Variants in NFATC1 observed in about 807,000 individuals in gnomAD.
NFATC1 encodes the protein nuclear factor of activated T-cells, cytoplasmic 1.
A neutral mutation model predicts 76.0 loss-of-function variants in NFATC1; 22 were observed. That is an observed-to-expected ratio of 0.29 (90% CI 0.21 to 0.41). NFATC1 has a LOEUF of 0.41. Among genes scored for constraint, NFATC1 ranks in the 10% least tolerant of loss-of-function variants. NFATC1 has a pLI of 1.00. For synonymous variants in NFATC1, 704 were observed against 613.1 expected, an observed-to-expected ratio of 1.15 and a Z score of -2.19; for missense variants, 1,357 against 1,337.7, an observed-to-expected ratio of 1.01 and a Z score of -0.23.
At chr18:79,485,019 A>G (rs1184580947) in intron 8 of NFATC1, among the ~76,000 whole-genome samples, 1 of 152,208 alleles carries the variant, frequency 6.6e-6, no homozygotes, top group Non-Finnish European at 1.5e-5. Flanking sequence ...CCGGGGCTAA[A>G]TATTTTCTCT....
intron 9 of NFATC1, among the ~76,000 whole-genome samples, chr18:79,495,184 G>T (rs549142126): frequency 6.6e-6 from 1 of 152,260 alleles, no homozygotes; most frequent in African/African-American, 2.4e-5. Flanking sequence ...CCGCCGTGGC[G>T]TGCAGGCTGT....
Position 79,527,602 on chromosome 18 carries a change from A to T in NFATC1, c.*25A>T, listed in dbSNP as rs761734818. On this transcript the variant is annotated 3_prime_UTR_variant, in exon 10 of 10. Transcript: ENST00000427363. The stretch of plus-strand genomic sequence containing the variant: ...GTTGCCACATTGGAGCACTCAGTTC[A>T]GCAGGGGTATGCTGACTTCAGCAGA... 3 of 1,610,144 alleles carry T rather than the reference A, an allele frequency of 1.9e-6. No individual in the cohort carries two copies. Among genetic ancestry groups the T allele is most frequent in the Non-Finnish European group, 1.7e-6 (2 of 1,176,480 alleles).
At chr18:79,406,539 T>C (rs1371323244) in intron 1 of NFATC1, among the ~76,000 whole-genome samples, 1 of 152,214 alleles carries the variant, frequency 6.6e-6, no homozygotes, top group Non-Finnish European at 1.5e-5. Context: ...CCTAACATAA[T>C]GTTGTTTCTG....
At chr18:79,444,207 G>A (rs749375597) in intron 3 of NFATC1, among the ~76,000 whole-genome samples, 5 of 148,192 alleles carry the variant, frequency 3.4e-5, no homozygotes, top group African/African-American at 1.3e-4. Context: ...GTGTGTGTGC[G>A]TGTGTGTGTG....
chr18:79,444,934 A>T (rs868290145), intron 3 of NFATC1, among the ~76,000 whole-genome samples: 1 of 151,998 alleles, frequency 6.6e-6, no homozygotes, highest in African/African-American at 2.4e-5. Context: ...GTCACCGTGG[A>T]CCCCAGAGCC....
At chr18:79,424,231 G>C (rs1316506157) in intron 2 of NFATC1, among the ~76,000 whole-genome samples, 2 of 152,178 alleles carry the variant, frequency 1.3e-5, no homozygotes, top group African/African-American at 4.8e-5. Flanking sequence ...AACGCGGCGT[G>C]TGCGGGCCCA....
chr18:79,400,056 C>G (rs1044474352), intron 1 of NFATC1, among the ~76,000 whole-genome samples: 11 of 152,030 alleles, frequency 7.2e-5, no homozygotes, highest in Admixed American at 2.0e-4. Flanking sequence ...ACGCCCCTAC[C>G]CCCGGGTCCG....
At chr18:79,473,443 C>T (rs1224349819) in intron 8 of NFATC1, among the ~76,000 whole-genome samples, 7 of 152,110 alleles carry the variant, frequency 4.6e-5, no homozygotes, top group South Asian at 2.1e-4. Flanking sequence ...CTGAGGGAAG[C>T]GTGTTCTCAG....
At chr18:79,408,862 C>T (rs1345987171) in intron 1 of NFATC1, among the ~76,000 whole-genome samples, 1 of 151,498 alleles carries the variant, frequency 6.6e-6, no homozygotes, top group Non-Finnish European at 1.5e-5. Context: ...CATCATCAAA[C>T]CATTATTCCT....
chr18:79,461,403 C>T (rs749761638), intron 7 of NFATC1, 37 bp downstream of exon 7: 1 of 1,612,502 alleles, frequency 6.2e-7, no homozygotes, highest in South Asian at 1.1e-5. Context: ...TACTGTGGGT[C>T]CCCAGGGCTT....
chr18:79,425,180 TCTGTCTCTGTCTCTCTGTTTCTCTCC>T (rs749900103), intron 2 of NFATC1, among the ~76,000 whole-genome samples: 47 of 94,278 alleles, frequency 5.0e-4, no homozygotes, highest in African/African-American at 2.0e-3. Context: ...CATCTGTCTC[TCTGTCTCTGTCTCTCTGTTTCTCTCC>T]CTGTCTCTGT....
chr18:79,450,760 TTC>T (rs2087436182), intron 4 of NFATC1, among the ~76,000 whole-genome samples, 192 bp from the exon 5 acceptor site: 1 of 152,192 alleles, frequency 6.6e-6, no homozygotes, highest in African/African-American at 2.4e-5. Flanking sequence ...CAATGTCAGA[TTC>T]TCTCCTGCAC....
Position 79,524,666 on chromosome 18 carries a change from G to A in NFATC1, c.2783-2862G>A, listed in dbSNP as rs1048165160. ...TTGAGGTCGGCCCTCCTCCCCTCCC[G>A]AGAGCTCAGCAGCCGCAGACCCAGG... is the stretch of plus-strand genomic sequence containing the variant. On this transcript the variant is annotated intron_variant, in intron 9 of 9. Coordinates refer to ENST00000427363, the MANE Select transcript of NFATC1 (RefSeq NM_001278669.2). This position sits in a 1 kb window ranked among gnomAD's most constrained non-coding sequence, Gnocchi z 7.2. Among the ~76,000 whole-genome samples the A allele has an allele frequency of 9.2e-5, 14 of 152,034 alleles. No individual in the cohort carries two copies. Among genetic ancestry groups the A allele is most frequent in the Admixed American group, 3.3e-4 (5 of 15,278 alleles).
intron 3 of NFATC1, among the ~76,000 whole-genome samples, chr18:79,442,721 CG>C (rs996499747): frequency 1.1e-4 from 16 of 152,180 alleles, no homozygotes; most frequent in Non-Finnish European, 1.8e-4. Context: ...GCTTCTGCTC[CG>C]GCGGGCCACG....
intron 1 of NFATC1, chr18:79,400,578 G>A (rs2085170401): frequency 9.0e-7 from 1 of 1,108,386 alleles, no homozygotes; most frequent in Non-Finnish European, 1.2e-6. Context: ...GGGGACCCCA[G>A]GAGTCCCCGG....
intron 1 of NFATC1, among the ~76,000 whole-genome samples, chr18:79,406,433 G>A (rs1029969235): frequency 5.9e-5 from 9 of 152,146 alleles, no homozygotes; most frequent in African/African-American, 9.7e-5. Flanking sequence ...CTGGGCCCCC[G>A]TGATCGGATC....
At chr18:79,492,131 TA>T (rs1250570738) in intron 9 of NFATC1, among the ~76,000 whole-genome samples, 1 of 152,176 alleles carries the variant, frequency 6.6e-6, no homozygotes, top group Non-Finnish European at 1.5e-5. Flanking sequence ...AGAGTCTAGG[TA>T]GGGGGTCCAC....
chr18:79,504,476 A>G (rs911092812), intron 9 of NFATC1, among the ~76,000 whole-genome samples: 5 of 152,198 alleles, frequency 3.3e-5, no homozygotes, highest in African/African-American at 4.8e-5. Context: ...TTCATCTTAG[A>G]TGGGCACAGT....
intron 3 of NFATC1, among the ~76,000 whole-genome samples, chr18:79,442,668 C>G (rs989622045): frequency 6.6e-6 from 1 of 152,190 alleles, no homozygotes; most frequent in South Asian, 2.1e-4. Flanking sequence ...CAGCAGTGTG[C>G]GGTTGTTGGC....
Sources: allele counts gnomAD v4.1 joint callset (sites outside exome capture counted in the v4.1 genomes callset), GRCh38; gene constraint gnomAD v4.1.1; non-coding constraint Gnocchi (gnomAD v3.1); transcripts MANE v1.5; gene names NCBI Gene and HGNC (gene_info 2026-07-23, HGNC 2026-07-21).